PIK3CA: variants seen among roughly 807,000 people sequenced by gnomAD.
PIK3CA encodes phosphatidylinositol 4,5-bisphosphate 3-kinase catalytic subunit alpha isoform.
Under a neutral mutation model 138.2 loss-of-function variants are expected in PIK3CA, and 27 were observed. The ratio of observed to expected loss-of-function variants is 0.20; its 90% CI spans 0.14 to 0.27. The LOEUF is 0.27. Ranked by LOEUF, PIK3CA falls within the 10% of genes least tolerant of loss-of-function variation. PIK3CA has a pLI of 1.00. For synonymous variants in PIK3CA, 358 were observed against 413.2 expected (o/e 0.87, Z 1.62); for missense variants, 544 against 1,277.4 (o/e 0.43, Z 8.75).
At chr3:179,177,556 G>A (rs1176594016) in intron 1 of PIK3CA, among the ~76,000 whole-genome samples, 2 of 151,844 alleles carry the variant, frequency 1.3e-5, no homozygotes, top group African/African-American at 4.8e-5. Flanking sequence ...CAGGTGATCC[G>A]CCCGCCTTGG....
rs1470540068 is a variant in PIK3CA, at chr3:179,220,580, T to A, written c.2016-406T>A. On this transcript the variant is annotated intron_variant, in intron 13 of 20. Coordinates refer to ENST00000263967, the MANE Select transcript of PIK3CA (RefSeq NM_006218.4). The surrounding 1 kb of genome is among the most constrained non-coding windows in gnomAD (Gnocchi z 4.1). ...TAATATGATATTTTAAGTGTTAAAA[T>A]TTAATAATGGAACCCAGAAGTTAAG... 6.6e-6 allele frequency among the ~76,000 whole-genome samples: 1 copy of A among 152,194 alleles called. No individual in the cohort carries two copies.
intron 1 of PIK3CA, among the ~76,000 whole-genome samples, chr3:179,163,983 A>G (rs1331286799): frequency 6.6e-6 from 1 of 152,186 alleles, no homozygotes; most frequent in Non-Finnish European, 1.5e-5. Context: ...TCTTTGCAGC[A>G]TTAGATATAA....
At chr3:179,161,526 G>A (rs56023503) in intron 1 of PIK3CA, among the ~76,000 whole-genome samples, 12,904 of 151,724 alleles carry the variant, frequency 0.085, 593 homozygotes, top group African/African-American at 0.11. Context: ...GCAAAACCCC[G>A]TCTCTACCAA....
intron 1 of PIK3CA, among the ~76,000 whole-genome samples, chr3:179,162,859 T>TA (rs536763876): frequency 0.036 from 5,226 of 145,484 alleles, 110 homozygotes; most frequent in Non-Finnish European, 0.052. Flanking sequence ...TTCTCTTCTT[T>TA]AAAAAAAAAA....
chr3:179,200,897 A>G (rs901398433), intron 3 of PIK3CA, among the ~76,000 whole-genome samples: 2 of 151,960 alleles, frequency 1.3e-5, no homozygotes, highest in African/African-American at 2.4e-5. Context: ...TTAAACCTCC[A>G]TTGGTTCTTT....
chr3:179,205,020 C>CAAA lies in PIK3CA; in HGVS notation c.1145+466_1145+468dup, dbSNP rs574908621. 1.2e-3 allele frequency among the ~76,000 whole-genome samples: 63 copies of CAAA among 53,378 alleles called. 5 individuals carry two copies. Among genetic ancestry groups the CAAA allele is most frequent in the African/African-American group, 2.4e-3 (36 of 14,714 alleles). The allele number at this position is 53,378 out of a possible 152,430, so 35.0% of individuals were successfully genotyped here. A position where few individuals can be genotyped will look rare whatever the true frequency, so the allele number is the denominator to read the frequency against. ...TGGGCAACAGAGCGAGACTCCGTCT[C>CAAA]AAAAAAAAAAAAAAAAAAAAAAAAA... On this transcript the variant is annotated intron_variant, in intron 6 of 20. Coordinates refer to ENST00000263967, the MANE Select transcript of PIK3CA (RefSeq NM_006218.4).
chr3:179,239,889 T>C lies in PIK3CA; in HGVS notation c.*5525T>C, dbSNP rs181341482. The C allele has an allele frequency of 8.1e-5, 54 of 668,528 alleles. No homozygotes were observed. The African/African-American group carries it at 8.4e-4, about 10-fold the overall frequency. 41.4% of individuals were successfully genotyped at this position (668,528 alleles called of 1,614,324 possible). ...CCAGAAAGCATTTGACACAGCAAGA[T>C]GCATGTGTTACTATATTGAGAATAT... On this transcript the variant is annotated 3_prime_UTR_variant, in exon 21 of 21. Coordinates refer to ENST00000263967, the MANE Select transcript of PIK3CA (RefSeq NM_006218.4).
At chr3:179,177,312 C>CTTT (rs11328702) in intron 1 of PIK3CA, among the ~76,000 whole-genome samples, 2 of 91,040 alleles carry the variant, frequency 2.2e-5, no homozygotes, top group Non-Finnish European at 4.4e-5. Flanking sequence ...ATTCTCTTTT[C>CTTT]TTTTTTTTTT....
chr3:179,200,684 A>G (rs1408330982), intron 3 of PIK3CA, among the ~76,000 whole-genome samples: 1 of 152,202 alleles, frequency 6.6e-6, no homozygotes, highest in Non-Finnish European at 1.5e-5. Flanking sequence ...TTCAACATAT[A>G]GACAACTTGA....
At chr3:179,183,847 GTGTCTAATCCT>G (rs1283459141) in intron 1 of PIK3CA, among the ~76,000 whole-genome samples, 1 of 152,182 alleles carries the variant, frequency 6.6e-6, no homozygotes. Flanking sequence ...ACTTTTTCCA[GTGTCTAATCCT>G]TGTTGTATAT....
At chr3:179,182,853 A>G (rs1259364077) in intron 1 of PIK3CA, among the ~76,000 whole-genome samples, 1 of 152,204 alleles carries the variant, frequency 6.6e-6, no homozygotes, top group African/African-American at 2.4e-5. Flanking sequence ...TGAAAGGGAA[A>G]ATAAAGACCA....
At position 179,237,193 on chromosome 3, in the gene PIK3CA, T is replaced by C. The variant is rs1036500042; in HGVS notation, c.*2829T>C. On this transcript the variant is annotated 3_prime_UTR_variant, in exon 21 of 21. Transcript: ENST00000263967. ...CTGTTAATTTGAAATCTGTTACTCTTATTGTGGAATTTGTTTTTTTAAAAA... is the reference window on the plus strand; with the variant it reads ...CTGTTAATTTGAAATCTGTTACTCTCATTGTGGAATTTGTTTTTTTAAAAA... 11 of 195,306 alleles carry C rather than the reference T, an allele frequency of 5.6e-5. No individual in the cohort carries two copies. Among genetic ancestry groups the C allele is most frequent in the African/African-American group, 2.5e-4 (11 of 43,274 alleles). 12.1% of individuals were successfully genotyped at this position (195,306 alleles called of 1,614,324 possible).
intron 6 of PIK3CA, among the ~76,000 whole-genome samples, chr3:179,205,115 A>G (rs968261757): frequency 6.0e-5 from 9 of 149,224 alleles, no homozygotes; most frequent in South Asian, 4.3e-4. Flanking sequence ...CTGAGACAGG[A>G]GAATAGGAGA....
At chr3:179,223,326 G>C (rs1342061816) in intron 14 of PIK3CA, among the ~76,000 whole-genome samples, 2 of 152,054 alleles carry the variant, frequency 1.3e-5, no homozygotes, top group Non-Finnish European at 2.9e-5. Flanking sequence ...TTTTCAATAG[G>C]TGAAAGTTTC....
At chr3:179,197,186 A>G (rs1724288597) in intron 1 of PIK3CA, among the ~76,000 whole-genome samples, 1 of 151,918 alleles carries the variant, frequency 6.6e-6, no homozygotes, top group Admixed American at 6.6e-5. Flanking sequence ...TTACAGGTGC[A>G]TGCCACCACG....
At chr3:179,175,516 C>T (rs750456366) in intron 1 of PIK3CA, among the ~76,000 whole-genome samples, 2 of 152,108 alleles carry the variant, frequency 1.3e-5, no homozygotes, top group Non-Finnish European at 2.9e-5. Flanking sequence ...ACATTCTTCT[C>T]GGAAGTATCC....
At position 179,230,523 on chromosome 3, in the gene PIK3CA, G is replaced by C. The variant is rs1474442999; in HGVS notation, c.2936+147G>C. 1.1e-5 allele frequency: 7 copies of C among 656,306 alleles called. No homozygotes were observed. The Admixed American group carries it at 2.2e-4, about 21-fold the overall frequency. 40.7% of individuals were successfully genotyped at this position (656,306 alleles called of 1,614,324 possible). The stretch of plus-strand genomic sequence containing the variant: ...TAATCCCAACTCTTTGGGAGGCCGA[G>C]GCTGGAGGATCACTTGAGCTCAGGA... On this transcript the variant is annotated intron_variant, in intron 20 of 20. Coordinates refer to ENST00000263967, the MANE Select transcript of PIK3CA (RefSeq NM_006218.4). The surrounding 1 kb of genome is among the most constrained non-coding windows in gnomAD (Gnocchi z 5.4).
chr3:179,189,137 C>T (rs1003544648), intron 1 of PIK3CA, among the ~76,000 whole-genome samples: 3 of 152,102 alleles, frequency 2.0e-5, no homozygotes, highest in Admixed American at 2.0e-4. Flanking sequence ...TTGCTCGAAC[C>T]TCGTAAACAG....
chr3:179,188,724 CTTT>C (rs1182519640), intron 1 of PIK3CA, among the ~76,000 whole-genome samples: 1 of 152,048 alleles, frequency 6.6e-6, no homozygotes, highest in Non-Finnish European at 1.5e-5. Flanking sequence ...GTAGAAAACT[CTTT>C]ATCACTGTGG....
Sources: allele counts gnomAD v4.1 joint callset (sites outside exome capture counted in the v4.1 genomes callset), GRCh38; gene constraint gnomAD v4.1.1; non-coding constraint Gnocchi (gnomAD v3.1); transcripts MANE v1.5; gene names NCBI Gene and HGNC (gene_info 2026-07-23, HGNC 2026-07-21).